The following GARRE1 variants were observed in gnomAD, a reference collection of about 807,000 sequenced individuals.
The protein encoded by GARRE1 is granule associated Rac and RHOG effector 1.
A neutral mutation model predicts 103.2 loss-of-function variants in GARRE1; 49 were observed. The ratio of observed to expected loss-of-function variants is 0.47; its 90% CI spans 0.38 to 0.60. The LOEUF is 0.60. Among genes scored for constraint, GARRE1 ranks in the 20% least tolerant of loss-of-function variants. The pLI, the probability that GARRE1 is intolerant of heterozygous loss-of-function variation, is 0.00. For missense variants in GARRE1, 1,199 were observed against 1,370.5 expected (o/e 0.87, Z 1.98); for synonymous variants, 505 against 532.8 (o/e 0.95, Z 0.72).
intron 2 of GARRE1, among the ~76,000 whole-genome samples, chr19:34,307,797 A>AT (rs1568538174): frequency 3.8e-4 from 40 of 105,412 alleles, no homozygotes; most frequent in African/African-American, 1.3e-3. Context: ...TACTATAAAA[A>AT]AAAAATATAT....
chr19:34,281,978 C>T (rs924689141), intron 1 of GARRE1, among the ~76,000 whole-genome samples: 1 of 152,088 alleles, frequency 6.6e-6, no homozygotes, highest in Non-Finnish European at 1.5e-5. Context: ...TTGGTTTATT[C>T]TCCCATGGCT....
Position 34,342,472 on chromosome 19 carries a change from A to T in GARRE1, c.2521+17A>T. 1 of 1,593,374 alleles carries T rather than the reference A, an allele frequency of 6.3e-7. No individual in the cohort carries two copies. Among genetic ancestry groups the T allele is most frequent in the Non-Finnish European group, 8.6e-7 (1 of 1,167,814 alleles). On this transcript the variant is annotated intron_variant, in intron 10 of 13. Transcript: ENST00000299505. Reference sequence around the variant, plus strand: ...ATCCTGCAGGTATGTGAGGCCTCCCATCCCTCGCCCAGTGTCAACAGCAAA... The same window carrying T: ...ATCCTGCAGGTATGTGAGGCCTCCCTTCCCTCGCCCAGTGTCAACAGCAAA...
At chr19:34,290,263 G>A (rs1297955766) in intron 1 of GARRE1, among the ~76,000 whole-genome samples, 4 of 152,082 alleles carry the variant, frequency 2.6e-5, no homozygotes, top group Non-Finnish European at 5.9e-5. Flanking sequence ...GGCTGAGGTG[G>A]GAGGATGGCT....
At chr19:34,257,026 C>A (rs1021110695) in intron 1 of GARRE1, among the ~76,000 whole-genome samples, 1 of 152,092 alleles carries the variant, frequency 6.6e-6, no homozygotes, top group African/African-American at 2.4e-5. Flanking sequence ...TCTAATCTTC[C>A]TCTATTTTTG....
At chr19:34,278,224 A>G (rs2145219488) in intron 1 of GARRE1, among the ~76,000 whole-genome samples, 1 of 151,958 alleles carries the variant, frequency 6.6e-6, no homozygotes, top group Admixed American at 6.6e-5. Context: ...CGGGTGGATC[A>G]CCTGAGGTCA....
In GARRE1 at chr19:34,352,879, ACAAGGCAGCACC is replaced by A. The variant is rs1208328036; in HGVS notation, c.3143_3154del (p.Ala1048_Lys1051del). On this transcript the variant is annotated inframe_deletion, in exon 14 of 14. Transcript: ENST00000299505. ...CCCCAGCCCCCACCCCCACCAGCAC[ACAAGGCAGCACC>A]CAAGGGCTTCAAGGCCTTCCCTGGG... is the stretch of plus-strand genomic sequence containing the variant. 6.8e-7 allele frequency: 1 copy of A among 1,470,806 alleles called. No individual in the cohort carries two copies. The highest frequency in any genetic ancestry group is 1.4e-5 in the African/African-American group (1 of 72,484). The allele number at this position is 1,470,806 out of a possible 1,614,324, so 91.1% of individuals were successfully genotyped here. A position where few individuals can be genotyped will look rare whatever the true frequency, so the allele number is the denominator to read the frequency against.
intron 2 of GARRE1, among the ~76,000 whole-genome samples, chr19:34,314,188 A>G (rs1056481745): frequency 1.3e-5 from 2 of 152,102 alleles, no homozygotes; most frequent in Non-Finnish European, 2.9e-5. Context: ...TTTTCCCTGG[A>G]TGATATTTTG....
At chr19:34,342,580 C>T in intron 10 of GARRE1, 125 bp downstream of exon 10, 1 of 862,486 alleles carries the variant, frequency 1.2e-6, no homozygotes. Flanking sequence ...CTTTACGACC[C>T]TTTCTCACTG....
chr19:34,329,608 G>A (rs1351341755), intron 6 of GARRE1, among the ~76,000 whole-genome samples: 1 of 152,082 alleles, frequency 6.6e-6, no homozygotes, highest in Non-Finnish European at 1.5e-5. Context: ...GGCCGAGGTG[G>A]GCAGATCACC....
At chr19:34,278,258 A>G (rs944767074) in intron 1 of GARRE1, among the ~76,000 whole-genome samples, 1 of 151,914 alleles carries the variant, frequency 6.6e-6, no homozygotes, top group Non-Finnish European at 1.5e-5. Context: ...AGCCTGGCCA[A>G]CATGGTGAAA....
At chr19:34,278,868 C>T (rs1360100232) in intron 1 of GARRE1, among the ~76,000 whole-genome samples, 3 of 152,046 alleles carry the variant, frequency 2.0e-5, no homozygotes, top group South Asian at 2.1e-4. Context: ...GACAGGGTCT[C>T]GCCATGTTGC....
chr19:34,309,946 G>A (rs531674701), intron 2 of GARRE1, among the ~76,000 whole-genome samples: 1 of 152,256 alleles, frequency 6.6e-6, no homozygotes, highest in Non-Finnish European at 1.5e-5. Context: ...GAGAAAATGG[G>A]AACAGAGAAA....
intron 1 of GARRE1, among the ~76,000 whole-genome samples, chr19:34,261,617 A>G (rs960306691): frequency 2.0e-5 from 3 of 152,186 alleles, no homozygotes; most frequent in Non-Finnish European, 4.4e-5. Flanking sequence ...AAGTAAGTCC[A>G]GTGCCACAGC....
intron 12 of GARRE1, among the ~76,000 whole-genome samples, chr19:34,350,877 G>A (rs182791397): frequency 1.1e-3 from 161 of 149,298 alleles, no homozygotes; most frequent in African/African-American, 3.7e-3. Context: ...CACCGCACCC[G>A]GCCGGAAACA....
intron 2 of GARRE1, among the ~76,000 whole-genome samples, chr19:34,311,103 C>T (rs570156753): frequency 2.0e-5 from 3 of 152,152 alleles, no homozygotes; most frequent in Admixed American, 1.3e-4. Context: ...AGCAATCCTC[C>T]TGTCTCAGCT....
intron 10 of GARRE1, among the ~76,000 whole-genome samples, chr19:34,344,902 G>T (rs191429191): frequency 6.6e-6 from 1 of 151,178 alleles, no homozygotes; most frequent in Admixed American, 6.6e-5. Context: ...GCAGTGGCGC[G>T]ATCTCGGCTC....
At chr19:34,326,668 T>C (rs1359642835) in intron 3 of GARRE1, among the ~76,000 whole-genome samples, 1 of 152,092 alleles carries the variant, frequency 6.6e-6, no homozygotes, top group Non-Finnish European at 1.5e-5. Flanking sequence ...TGAATAGGAA[T>C]GCCAACCATG....
At chr19:34,307,612 T>TATATATACTTATATATAC (rs1174124807) in intron 2 of GARRE1, among the ~76,000 whole-genome samples, 70 of 143,634 alleles carry the variant, frequency 4.9e-4, no homozygotes, top group Non-Finnish European at 8.2e-4. Flanking sequence ...CACACATACA[T>TATATATACTTATATATAC]ATATATACTT....
intron 7 of GARRE1, among the ~76,000 whole-genome samples, chr19:34,332,704 A>C (rs1409746991): frequency 6.6e-6 from 1 of 152,226 alleles, no homozygotes. Flanking sequence ...CTGAATTTGG[A>C]GTATGATACA....
Sources: allele counts gnomAD v4.1 joint callset (sites outside exome capture counted in the v4.1 genomes callset), GRCh38; gene constraint gnomAD v4.1.1; transcripts MANE v1.5; gene names NCBI Gene and HGNC (gene_info 2026-07-23, HGNC 2026-07-21).